Variants in TRERF1 observed in about 807,000 individuals in gnomAD.
The protein encoded by TRERF1 is transcriptional-regulating factor 1.
Under a neutral mutation model 122.9 loss-of-function variants are expected in TRERF1, and 27 were observed. The ratio of observed to expected loss-of-function variants is 0.22; its 90% CI spans 0.16 to 0.30. The LOEUF (loss-of-function observed/expected upper bound fraction) is 0.30. Among genes scored for constraint, TRERF1 ranks in the 10% least tolerant of loss-of-function variants. TRERF1 has a pLI of 1.00. For missense variants in TRERF1, 1,248 were observed against 1,560.3 expected (o/e 0.80, Z 3.37); for synonymous variants, 636 against 641.7 (o/e 0.99, Z 0.13).
At chr6:42,295,638 G>A (rs980584379) in intron 4 of TRERF1, among the ~76,000 whole-genome samples, 2 of 152,130 alleles carry the variant, frequency 1.3e-5, no homozygotes, top group African/African-American at 2.4e-5. Context: ...CCATTGAAGG[G>A]CATCGTGTTT....
rs1774938753 is a variant in TRERF1 at position 42,376,662 on chromosome 6, C to T, written c.-453-13583G>A. 2.0e-5 allele frequency among the ~76,000 whole-genome samples: 3 copies of T among 150,246 alleles called. No homozygotes were observed. In the South Asian group the frequency reaches 6.3e-4, roughly 32 times the overall value. Reference sequence around the variant, plus strand: ...GGTTCAAGCGATTCTCCTTTCTCAGCCTCCCGAGTAGCTGGGACTACAGGC... The same window carrying T: ...GGTTCAAGCGATTCTCCTTTCTCAGTCTCCCGAGTAGCTGGGACTACAGGC... On this transcript the variant is annotated intron_variant, in intron 2 of 17. Coordinates refer to ENST00000372922, the Ensembl canonical transcript of TRERF1.
intron 3 of TRERF1, among the ~76,000 whole-genome samples, chr6:42,312,217 C>G (rs1012690410): frequency 6.6e-6 from 1 of 152,124 alleles, no homozygotes; most frequent in Non-Finnish European, 1.5e-5. Flanking sequence ...TCCCCAGAGC[C>G]ACCAGAGAAG....
intron 3 of TRERF1, among the ~76,000 whole-genome samples, chr6:42,340,578 CA>C (rs1456013744): frequency 6.6e-6 from 1 of 151,804 alleles, no homozygotes; most frequent in African/African-American, 2.4e-5. Flanking sequence ...TAAATATGGG[CA>C]AAAAAGAAAA....
chr6:42,437,451 AT>A (rs1216623858), intron 2 of TRERF1, among the ~76,000 whole-genome samples: 2 of 152,166 alleles, frequency 1.3e-5, no homozygotes, highest in Non-Finnish European at 2.9e-5. Flanking sequence ...GCACTTTTGC[AT>A]TTTTTTAAAT....
chr6:42,401,375 T>C (rs1382864519), intron 2 of TRERF1, among the ~76,000 whole-genome samples: 2 of 152,136 alleles, frequency 1.3e-5, no homozygotes, highest in African/African-American at 4.8e-5. Context: ...ATTAACACCT[T>C]TTCAGCCCTA....
intron 2 of TRERF1, among the ~76,000 whole-genome samples, chr6:42,450,737 T>G (rs1166181446): frequency 8.5e-5 from 13 of 152,146 alleles, no homozygotes. Flanking sequence ...TTTACCCCCT[T>G]ACACATTTCT....
intron 17 of TRERF1, among the ~76,000 whole-genome samples, chr6:42,230,753 C>T (rs534838035): frequency 3.0e-4 from 46 of 152,292 alleles, no homozygotes; most frequent in African/African-American, 1.0e-3. Context: ...CACCGAATCC[C>T]ATCTCTCCCA....
chr6:42,302,744 G>A (rs1786444656), intron 3 of TRERF1, among the ~76,000 whole-genome samples: 1 of 152,244 alleles, frequency 6.6e-6, no homozygotes, highest in African/African-American at 2.4e-5. Context: ...AACCTGAATA[G>A]CAGACCTTAC....
chr6:42,277,897 AGGAAGAAG>A (rs1295802813), intron 4 of TRERF1, among the ~76,000 whole-genome samples: 39 of 114,314 alleles, frequency 3.4e-4, no homozygotes, highest in African/African-American at 1.2e-3. Flanking sequence ...AGAAGGAAGA[AGGAAGAAG>A]GAAGAAGAAG....
chr6:42,249,802 T>C (rs1053230372), intron 13 of TRERF1, among the ~76,000 whole-genome samples: 30 of 152,312 alleles, frequency 2.0e-4, no homozygotes, highest in African/African-American at 7.2e-4. Flanking sequence ...TGTGTGTGCA[T>C]GTGTTAGTGT....
chr6:42,352,545 G>A (rs971641358), intron 3 of TRERF1, among the ~76,000 whole-genome samples: 6 of 152,072 alleles, frequency 3.9e-5, no homozygotes, highest in Middle Eastern at 3.2e-3. Flanking sequence ...TAGTGAATAT[G>A]GTTACAAACA....
intron 3 of TRERF1, among the ~76,000 whole-genome samples, chr6:42,354,609 T>C (rs991218077): frequency 2.6e-5 from 4 of 152,320 alleles, no homozygotes; most frequent in African/African-American, 9.6e-5. Flanking sequence ...ATTTATTGAA[T>C]AATTTTTCCT....
chr6:42,443,879 A>G (rs553464490), intron 2 of TRERF1, among the ~76,000 whole-genome samples: 2 of 152,342 alleles, frequency 1.3e-5, no homozygotes, highest in East Asian at 3.9e-4. Context: ...AAGTCGCCTC[A>G]CTGCTGCCTC....
At chr6:42,261,883 G>C (rs1777939403) in intron 8 of TRERF1, among the ~76,000 whole-genome samples, 1 of 152,008 alleles carries the variant, frequency 6.6e-6, no homozygotes. Context: ...CCCCTCCCCA[G>C]TCCATAATGA....
chr6:42,446,878 G>A (rs769367144), intron 2 of TRERF1, among the ~76,000 whole-genome samples: 6 of 152,158 alleles, frequency 3.9e-5, no homozygotes, highest in Non-Finnish European at 7.4e-5. Context: ...GGTGGTGCAC[G>A]CCTGTAATCC....
chr6:42,310,217 C>T (rs1407391348), intron 3 of TRERF1, among the ~76,000 whole-genome samples: 1 of 152,166 alleles, frequency 6.6e-6, no homozygotes, highest in African/African-American at 2.4e-5. Flanking sequence ...AATCCTCCTG[C>T]CTCGGCCTCC....
At chr6:42,390,674 C>T (rs1234023490) in intron 2 of TRERF1, among the ~76,000 whole-genome samples, 1 of 152,176 alleles carries the variant, frequency 6.6e-6, no homozygotes, top group African/African-American at 2.4e-5. Flanking sequence ...GAAATCACAA[C>T]CGCCCGGCCC....
At chr6:42,433,865 A>AT (rs1784857706) in intron 2 of TRERF1, among the ~76,000 whole-genome samples, 2 of 151,764 alleles carry the variant, frequency 1.3e-5, no homozygotes, top group Admixed American at 6.6e-5. Context: ...CAAAAAAAAA[A>AT]TTTTTTTTAA....
At chr6:42,265,624 C>T (rs987982995) in intron 6 of TRERF1, 127 bp downstream of exon 6, 1 of 1,049,390 alleles carries the variant, frequency 9.5e-7, no homozygotes, top group East Asian at 2.6e-5. Flanking sequence ...TCAAACACAA[C>T]AGCTGCTATT....
Sources: allele counts gnomAD v4.1 joint callset (sites outside exome capture counted in the v4.1 genomes callset), GRCh38; gene constraint gnomAD v4.1.1; transcripts MANE v1.5; gene names NCBI Gene and HGNC (gene_info 2026-07-23, HGNC 2026-07-21).